The following CHAF1B variants were observed in gnomAD, a reference collection of about 807,000 sequenced individuals.
CHAF1B encodes chromatin assembly factor 1 subunit B, also known as CAF-1 subunit B.
CHAF1B carries 10 observed loss-of-function variants against 60.7 expected under a neutral mutation model. The observed-to-expected ratio is 0.16, with a 90% confidence interval of 0.10 to 0.28. CHAF1B has a LOEUF of 0.28. CHAF1B is among the 10% of genes least tolerant of loss of function. CHAF1B has a pLI of 1.00. For synonymous variants in CHAF1B, 261 were observed against 266.1 expected, an observed-to-expected ratio of 0.98 and a Z score of 0.19; for missense variants, 558 against 708.4, an observed-to-expected ratio of 0.79 and a Z score of 2.41.
chr21:36,390,099 T>C (rs1269049824), intron 3 of CHAF1B, among the ~76,000 whole-genome samples: 2 of 151,954 alleles, frequency 1.3e-5, no homozygotes, highest in Non-Finnish European at 2.9e-5. Context: ...TTTGGGAGGC[T>C]GAGGTGGGCA....
At chr21:36,388,021 T>C (rs2086049169) in intron 3 of CHAF1B, among the ~76,000 whole-genome samples, 1 of 151,886 alleles carries the variant, frequency 6.6e-6, no homozygotes, top group African/African-American at 2.4e-5. Flanking sequence ...CAGGGTTTCA[T>C]CATGTTGGTC....
At chr21:36,404,352 G>A (rs2086218168) in intron 8 of CHAF1B, among the ~76,000 whole-genome samples, 1 of 150,032 alleles carries the variant, frequency 6.7e-6, no homozygotes, top group Admixed American at 6.6e-5. Context: ...GCCTGCCTTG[G>A]CCTCCGAAAG....
In CHAF1B at chr21:36,417,933, T is replaced by C. The variant is rs1444678894; in HGVS notation, c.*1567T>C. ...CTTAAAGCTCCTGGAGTAATTCTGATGCGCAGCCAAGATTGAGAAATCTAA... is the reference window on the plus strand; with the variant it reads ...CTTAAAGCTCCTGGAGTAATTCTGACGCGCAGCCAAGATTGAGAAATCTAA... On this transcript the variant is annotated 3_prime_UTR_variant, in exon 14 of 14. Transcript: ENST00000314103. 1 of 152,162 alleles carries C rather than the reference T, an allele frequency of 6.6e-6. No homozygotes were observed. Among genetic ancestry groups the C allele is most frequent in the Non-Finnish European group, 1.5e-5 (1 of 68,022 alleles). 9.4% of individuals were successfully genotyped at this position (152,162 alleles called of 1,614,324 possible). A position where few individuals can be genotyped will look rare whatever the true frequency, so the allele number is the denominator to read the frequency against.
At chr21:36,413,459 G>A (rs1400925406) in intron 12 of CHAF1B, 144 bp downstream of exon 12, 5 of 785,548 alleles carry the variant, frequency 6.4e-6, no homozygotes, top group Admixed American at 3.0e-5. Context: ...CTTCAAATCC[G>A]AGAGTGTCAT....
At chr21:36,403,506 A>G (rs1018148890) in intron 8 of CHAF1B, among the ~76,000 whole-genome samples, 6 of 151,588 alleles carry the variant, frequency 4.0e-5, no homozygotes, top group African/African-American at 1.5e-4. Context: ...AAACCCTTTC[A>G]ATGAATGCTT....
At chr21:36,409,345 T>C (rs749439006) in intron 9 of CHAF1B, 29 bp from the exon 10 acceptor site, 1 of 1,579,130 alleles carries the variant, frequency 6.3e-7, no homozygotes, top group Non-Finnish European at 8.7e-7. Context: ...TCACAGTGCC[T>C]TTTCCTAACA....
At chr21:36,413,358 C>T (rs1459484624) in intron 12 of CHAF1B, 43 bp downstream of exon 12, 4 of 1,507,770 alleles carry the variant, frequency 2.7e-6, no homozygotes, top group Non-Finnish European at 2.7e-6. Context: ...AAATGAAACA[C>T]AAAATGCAGA....
At chr21:36,388,796 T>G (rs1445103595) in intron 3 of CHAF1B, 1 of 152,144 alleles carries the variant, frequency 6.6e-6, no homozygotes, top group African/African-American at 2.4e-5. Flanking sequence ...AACTGGGATA[T>G]GAAAGAATTC....
chr21:36,408,885 G>A (rs185849553), intron 9 of CHAF1B, 55 bp downstream of exon 9: 11 of 1,297,562 alleles, frequency 8.5e-6, no homozygotes, highest in South Asian at 2.4e-5. Flanking sequence ...ACGGAGTTTC[G>A]CTCTTGTTGC....
intron 7 of CHAF1B, among the ~76,000 whole-genome samples, chr21:36,401,221 T>G (rs1292561287): frequency 6.6e-6 from 1 of 150,886 alleles, no homozygotes; most frequent in Non-Finnish European, 1.5e-5. Context: ...GAGCCGAGAT[T>G]GCGCCATTGC....
At chr21:36,412,352 G>C (rs970544995) in intron 11 of CHAF1B, among the ~76,000 whole-genome samples, 1 of 151,948 alleles carries the variant, frequency 6.6e-6, no homozygotes, top group Admixed American at 6.5e-5. Context: ...CCCGTGGCCT[G>C]CTTGGCCCAG....
chr21:36,401,821 A>G (rs1328154180), intron 7 of CHAF1B, among the ~76,000 whole-genome samples: 1 of 151,526 alleles, frequency 6.6e-6, no homozygotes, highest in African/African-American at 2.4e-5. Context: ...GCTCACTGCA[A>G]CCTTTGCTTC....
intron 3 of CHAF1B, among the ~76,000 whole-genome samples, chr21:36,388,232 A>G (rs983455620): frequency 6.6e-6 from 1 of 152,172 alleles, no homozygotes; most frequent in Non-Finnish European, 1.5e-5. Context: ...GGAGGACAGC[A>G]AGATGAAACC....
At chr21:36,415,589 G>T (rs2086312000) in intron 13 of CHAF1B, among the ~76,000 whole-genome samples, 200 bp downstream of exon 13, 1 of 152,128 alleles carries the variant, frequency 6.6e-6, no homozygotes. Context: ...ATCCTGGTGA[G>T]CCAGGGAGTG....
At chr21:36,401,188 A>T (rs1249776946) in intron 7 of CHAF1B, among the ~76,000 whole-genome samples, 2 of 151,622 alleles carry the variant, frequency 1.3e-5, no homozygotes, top group African/African-American at 4.9e-5. Context: ...GATCACTGGA[A>T]CCTGGGAGGT....
rs776269311 is a variant in CHAF1B at position 36,402,733 on chromosome 21, TAAAA to T, written c.664-23_664-20del. On this transcript the variant is annotated intron_variant, in intron 7 of 13. Transcript: ENST00000314103. The stretch of plus-strand genomic sequence containing the variant: ...TGTAGAAAACAAACAAAAAAAATAA[TAAAA>T]ATAAATTTTGTGTGCGACAGGCAAG... 9 of 1,585,080 alleles carry T rather than the reference TAAAA, an allele frequency of 5.7e-6. No individual in the cohort carries two copies. In the African/African-American group the frequency reaches 1.1e-4, roughly 19 times the overall value.
At chr21:36,398,871 A>G (rs2086164152) in intron 6 of CHAF1B, among the ~76,000 whole-genome samples, 1 of 152,242 alleles carries the variant, frequency 6.6e-6, no homozygotes, top group Non-Finnish European at 1.5e-5. Context: ...CAAATTGAAT[A>G]TAAGATGGCC....
Position 36,399,541 on chromosome 21 carries a change from T to G in CHAF1B, c.599T>G (p.Ile200Arg), listed in dbSNP as rs555711299. The G allele has an allele frequency of 6.2e-7, 1 of 1,614,102 alleles. No homozygotes were observed. The highest frequency in any genetic ancestry group is 1.1e-5 in the South Asian group (1 of 91,084). ...TTCAGGGTGCTGCGAGTATACAGTATACAGAAGAAGCGTGTGGCTTTCAAT... is the reference window on the plus strand; with the variant it reads ...TTCAGGGTGCTGCGAGTATACAGTAGACAGAAGAAGCGTGTGGCTTTCAAT... Reference protein sequence around the residue: ...SCDRVLRVYSIQKKRVAFNVS... With the variant: ...SCDRVLRVYSRQKKRVAFNVS... Residue 200 changes from isoleucine (I) to arginine (R), a missense_variant, in exon 7 of 14, where the codon ATA becomes AGA. Around this residue, in one of 2 missense-constraint regions of CHAF1B, gnomAD observed 325 missense variants for 493.5 expected, o/e 0.66. Transcript: ENST00000314103.
chr21:36,395,546 C>T (rs1480527375), intron 5 of CHAF1B, among the ~76,000 whole-genome samples: 2 of 152,046 alleles, frequency 1.3e-5, no homozygotes, highest in South Asian at 2.1e-4. Flanking sequence ...ATGACAGGCC[C>T]GGGCCCTGCC....
Sources: gnomAD v4.1 joint callset for allele counts (sites outside exome capture counted in the v4.1 genomes callset) on GRCh38, gnomAD v4.1.1 for gene constraint, gnomAD v4.1.1 regional missense constraint, MANE v1.5 for transcripts, NCBI Gene and HGNC (gene_info 2026-07-23, HGNC 2026-07-21) for gene names.